The following ST3GAL3 variants were observed in gnomAD, a reference collection of about 807,000 sequenced individuals.
ST3GAL3 encodes the protein ST3 beta-galactoside alpha-2,3-sialyltransferase 3.
A neutral mutation model predicts 50.1 loss-of-function variants in ST3GAL3; 21 were observed. The ratio of observed to expected loss-of-function variants is 0.42; its 90% CI spans 0.30 to 0.60. The LOEUF is 0.60. Among genes scored for constraint, ST3GAL3 ranks in the 20% least tolerant of loss-of-function variants. The probability of loss-of-function intolerance (pLI) is 0.19; values close to 1 mark genes in which losing one functional copy is unlikely to be tolerated. For missense variants in ST3GAL3, 353 were observed against 489.4 expected (o/e 0.72, Z 2.63); for synonymous variants, 183 against 190.0 (o/e 0.96, Z 0.30).
intron 2 of ST3GAL3, among the ~76,000 whole-genome samples, chr1:43,770,592 A>G (rs1321851049): frequency 2.0e-5 from 3 of 152,034 alleles, no homozygotes; most frequent in African/African-American, 4.8e-5. Context: ...ATGGAGTCTC[A>G]GTATATTGCC....
intron 3 of ST3GAL3, among the ~76,000 whole-genome samples, chr1:43,813,645 TA>T (rs1009933790): frequency 5.9e-5 from 9 of 152,174 alleles, no homozygotes; most frequent in Non-Finnish European, 1.2e-4. Flanking sequence ...AGTCTGGCCT[TA>T]ATTGGCCTTG....
chr1:43,717,263 G>A (rs1667842812), intron 1 of ST3GAL3, among the ~76,000 whole-genome samples: 1 of 152,204 alleles, frequency 6.6e-6, no homozygotes, highest in South Asian at 2.1e-4. Flanking sequence ...TTACTCAGGT[G>A]TGTAACAATG....
chr1:43,744,464 C>T (rs1457484298), intron 2 of ST3GAL3, among the ~76,000 whole-genome samples: 2 of 151,880 alleles, frequency 1.3e-5, no homozygotes, highest in Non-Finnish European at 2.9e-5. Flanking sequence ...TGGTCTCGAA[C>T]TCCTGACCTC....
chr1:43,784,116 A>G (rs2056962924), intron 2 of ST3GAL3, among the ~76,000 whole-genome samples: 1 of 152,052 alleles, frequency 6.6e-6, no homozygotes, highest in Non-Finnish European at 1.5e-5. Context: ...CTGTTCCCAC[A>G]CTACCAGTAC....
intron 9 of ST3GAL3, among the ~76,000 whole-genome samples, chr1:43,916,403 G>A (rs920815915): frequency 6.6e-6 from 1 of 152,176 alleles, no homozygotes; most frequent in African/African-American, 2.4e-5. Context: ...GCAGCACAAG[G>A]TAAGATGGAC....
At chr1:43,766,500 A>G (rs6429640) in intron 2 of ST3GAL3, among the ~76,000 whole-genome samples, 11,614 of 152,214 alleles carry the variant, frequency 0.076, 1,477 homozygotes, top group African/African-American at 0.27. Flanking sequence ...CGGTTGGGGT[A>G]GGACATGTGG....
intron 4 of ST3GAL3, among the ~76,000 whole-genome samples, chr1:43,827,377 A>T (rs567817738): frequency 6.6e-6 from 1 of 152,358 alleles, no homozygotes; most frequent in South Asian, 2.1e-4. Context: ...ATCTGATAAA[A>T]TATGTGTAAA....
At chr1:43,877,177 G>A (rs2074274987) in intron 5 of ST3GAL3, among the ~76,000 whole-genome samples, 1 of 152,226 alleles carries the variant, frequency 6.6e-6, no homozygotes, top group African/African-American at 2.4e-5. Context: ...CAATGTTTGA[G>A]CCCCTGGACT....
chr1:43,851,596 A>G, intron 5 of ST3GAL3: 2 of 1,368,754 alleles, frequency 1.5e-6, no homozygotes, highest in Admixed American at 1.7e-5. Context: ...ATCAGCTCCA[A>G]TCCAGCCCTC....
chr1:43,793,319 C>T (rs2058309831), intron 3 of ST3GAL3, among the ~76,000 whole-genome samples: 1 of 152,038 alleles, frequency 6.6e-6, no homozygotes, highest in Non-Finnish European at 1.5e-5. Flanking sequence ...GTAATAATCA[C>T]ATCAGGGCAA....
chr1:43,899,644 G>T lies in ST3GAL3; in HGVS notation c.661G>T (p.Glu221Ter). The stretch of plus-strand genomic sequence containing the variant: ...CGCCATGCAGCGGCCTGAGCAGTAC[G>T]AGCGCGATTCTCTCTTTGTCCTCGC... ...EGAMQRPEQY[E>*]RDSLFVLAGF... The change falls in exon 9 of 12, where the codon GAG becomes TAG. Residue 221 changes from glutamate (E) to a stop codon, truncating the protein, a stop_gained. Transcript: ENST00000347631. LOFTEE classifies it high-confidence loss of function. The surrounding 1 kb of genome is among the most constrained non-coding windows in gnomAD (Gnocchi z 5.4). 1 of 1,614,146 alleles carries T rather than the reference G, an allele frequency of 6.2e-7. No individual in the cohort carries two copies. The highest frequency in any genetic ancestry group is 8.5e-7 in the Non-Finnish European group (1 of 1,180,036).
intron 1 of ST3GAL3, among the ~76,000 whole-genome samples, chr1:43,728,933 A>G (rs982863855): frequency 1.2e-4 from 19 of 152,122 alleles, no homozygotes; most frequent in Admixed American, 1.2e-3. Context: ...TTTGTCGCCC[A>G]GGCTGGAGTG....
chr1:43,783,744 C>A (rs1558282640), intron 2 of ST3GAL3, among the ~76,000 whole-genome samples: 2 of 152,026 alleles, frequency 1.3e-5, no homozygotes, highest in Admixed American at 1.3e-4. Flanking sequence ...CTGCCCCCAC[C>A]CCCCGCAGTC....
chr1:43,872,750 G>T (rs2073267727), intron 5 of ST3GAL3, among the ~76,000 whole-genome samples: 1 of 152,130 alleles, frequency 6.6e-6, no homozygotes, highest in African/African-American at 2.4e-5. Context: ...AAACGATATA[G>T]AAATAAGGTG....
chr1:43,736,148 A>G lies in ST3GAL3; in HGVS notation c.-30-85A>G, dbSNP rs1678313340. 7 of 1,300,600 alleles carry G rather than the reference A, an allele frequency of 5.4e-6. No homozygotes were observed. The South Asian group carries it at 6.0e-5, about 11-fold the overall frequency. 80.6% of individuals were successfully genotyped at this position (1,300,600 alleles called of 1,614,324 possible). ...AACTCTAAGTTATTCTTCATTTGGAAATTCTCTCTATAGATACTTTAAGAG... is the reference window on the plus strand; with the variant it reads ...AACTCTAAGTTATTCTTCATTTGGAGATTCTCTCTATAGATACTTTAAGAG... On this transcript the variant is annotated intron_variant, in intron 1 of 11. Coordinates refer to ENST00000347631, the MANE Select transcript of ST3GAL3 (RefSeq NM_006279.5).
At chr1:43,800,979 C>T (rs2059250953) in intron 3 of ST3GAL3, among the ~76,000 whole-genome samples, 1 of 152,158 alleles carries the variant, frequency 6.6e-6, no homozygotes, top group Non-Finnish European at 1.5e-5. Context: ...CCATTCCCTT[C>T]GTACTTAGCA....
intron 2 of ST3GAL3, among the ~76,000 whole-genome samples, chr1:43,753,039 C>T (rs769275310): frequency 2.6e-5 from 4 of 152,204 alleles, no homozygotes; most frequent in Non-Finnish European, 5.9e-5. Context: ...CATCAGTACT[C>T]ATTGTAAAGG....
intron 2 of ST3GAL3, among the ~76,000 whole-genome samples, chr1:43,781,357 G>A (rs781397359): frequency 2.1e-4 from 32 of 151,882 alleles, no homozygotes; most frequent in Non-Finnish European, 2.5e-4. Flanking sequence ...CTGTAATCCC[G>A]GCATTTTAGG....
chr1:43,916,962 T>G (rs976052363), intron 9 of ST3GAL3: 10 of 152,220 alleles, frequency 6.6e-5, no homozygotes, highest in African/African-American at 2.4e-4. Flanking sequence ...TGTTGTAAAC[T>G]TTTGGATTTT....
Sources: allele counts gnomAD v4.1 joint callset (sites outside exome capture counted in the v4.1 genomes callset), GRCh38; gene constraint gnomAD v4.1.1; non-coding constraint Gnocchi (gnomAD v3.1); transcripts MANE v1.5; gene names NCBI Gene and HGNC (gene_info 2026-07-23, HGNC 2026-07-21).